The following LARGE1 variants were observed in gnomAD, a reference collection of about 807,000 sequenced individuals.
The protein encoded by LARGE1 is LARGE xylosyl- and glucuronyltransferase 1, also known as xylosyl- and glucuronyltransferase LARGE1.
A neutral mutation model predicts 87.6 loss-of-function variants in LARGE1; 43 were observed. The observed-to-expected ratio is 0.49, with a 90% CI of 0.38 to 0.63. The LOEUF (loss-of-function observed/expected upper bound fraction) is 0.63. LARGE1 is among the 30% of genes least tolerant of loss of function. The pLI is 0.00. For synonymous variants in LARGE1, 434 were observed against 394.6 expected (o/e 1.10, Z -1.18); for missense variants, 802 against 1,000.2 (o/e 0.80, Z 2.67).
At chr22:33,566,464 G>A (rs527299949) in intron 5 of LARGE1, among the ~76,000 whole-genome samples, 6 of 152,220 alleles carry the variant, frequency 3.9e-5, no homozygotes, top group African/African-American at 7.2e-5. Flanking sequence ...AACTGTGTGC[G>A]GAGCTGGCTC....
chr22:33,821,525 T>C (rs896817709), intron 1 of LARGE1, among the ~76,000 whole-genome samples: 6 of 152,162 alleles, frequency 3.9e-5, no homozygotes, highest in Non-Finnish European at 8.8e-5. Flanking sequence ...ATGGTAAGGA[T>C]GTCCAAGAAA....
chr22:33,287,119 G>C (rs185510025), intron 12 of LARGE1, among the ~76,000 whole-genome samples: 1 of 152,176 alleles, frequency 6.6e-6, no homozygotes, highest in Non-Finnish European at 1.5e-5. Context: ...AGCTGCCCTG[G>C]TTAATTGCTG....
intron 11 of LARGE1, among the ~76,000 whole-genome samples, chr22:33,214,614 C>T (rs765047490): frequency 5.9e-5 from 9 of 151,992 alleles, no homozygotes; most frequent in Non-Finnish European, 1.3e-4. Context: ...TGGCCAGTCG[C>T]CAGCACACTC....
intron 11 of LARGE1, among the ~76,000 whole-genome samples, chr22:33,225,636 G>A (rs1925696217): frequency 6.6e-6 from 1 of 151,986 alleles, no homozygotes; most frequent in African/African-American, 2.4e-5. Context: ...TTGTGTCATG[G>A]GGGTTTGGTG....
chr22:33,288,897 A>G (rs1569016954), intron 12 of LARGE1, among the ~76,000 whole-genome samples: 1 of 152,160 alleles, frequency 6.6e-6, no homozygotes, highest in Non-Finnish European at 1.5e-5. Context: ...TGTCTTGTCC[A>G]AGACACTTGC....
chr22:33,856,146 A>G (rs1379701135), intron 1 of LARGE1, among the ~76,000 whole-genome samples: 2 of 152,212 alleles, frequency 1.3e-5, no homozygotes, highest in Admixed American at 1.3e-4. Flanking sequence ...TCCAAGAACC[A>G]AACTTCCACT....
intron 9 of LARGE1, among the ~76,000 whole-genome samples, chr22:33,339,714 A>G (rs1218868079): frequency 2.0e-5 from 3 of 152,242 alleles, no homozygotes; most frequent in African/African-American, 7.2e-5. Flanking sequence ...TGTTTATGAC[A>G]TGGTCATAAC....
chr22:33,582,477 A>G (rs2078549647), intron 5 of LARGE1, among the ~76,000 whole-genome samples: 2 of 152,210 alleles, frequency 1.3e-5, no homozygotes, highest in Admixed American at 6.5e-5. Context: ...TAACCACTAC[A>G]TATAAGAGAA....
chr22:33,622,292 G>A (rs1233361826), intron 4 of LARGE1, among the ~76,000 whole-genome samples: 3 of 152,142 alleles, frequency 2.0e-5, no homozygotes, highest in Non-Finnish European at 4.4e-5. Context: ...CAGATCTGAT[G>A]GCTTTCTAGG....
intron 1 of LARGE1, among the ~76,000 whole-genome samples, chr22:33,764,600 A>T (rs1320610154): frequency 6.6e-6 from 1 of 152,080 alleles, no homozygotes; most frequent in African/African-American, 2.4e-5. Context: ...TCTACTAAAA[A>T]TACAAGAATT....
chr22:33,773,938 CTGTT>C (rs1485865393), intron 1 of LARGE1, among the ~76,000 whole-genome samples: 18 of 152,170 alleles, frequency 1.2e-4, no homozygotes, highest in African/African-American at 3.9e-4. Context: ...ACAGACACTA[CTGTT>C]TGTTTGCTTT....
At chr22:33,862,774 A>G (rs973766182) in intron 1 of LARGE1, among the ~76,000 whole-genome samples, 12 of 152,178 alleles carry the variant, frequency 7.9e-5, no homozygotes, top group Admixed American at 7.2e-4. Flanking sequence ...GTTTTCATTG[A>G]CCTAACAAAT....
At chr22:33,622,865 C>T (rs997747764) in intron 4 of LARGE1, among the ~76,000 whole-genome samples, 3 of 152,190 alleles carry the variant, frequency 2.0e-5, no homozygotes, top group African/African-American at 7.2e-5. Context: ...CTTAAAAGTA[C>T]GACATGCCAT....
In LARGE1 at chr22:33,451,631, T is replaced by C. The variant is rs575794663; in HGVS notation, c.788-19366A>G. On this transcript the variant is annotated intron_variant, in intron 6 of 14. Transcript: ENST00000397394. ...TGGAGTGCAGTGGCATGATCTCGGC[T>C]CACTGCAACCTCTGCCTCCCAGGTT... Among the ~76,000 whole-genome samples the C allele has an allele frequency of 2.6e-5, 4 of 151,600 alleles. No individual in the cohort carries two copies. In the East Asian group the frequency reaches 7.8e-4, roughly 29 times the overall value.
At chr22:33,148,618 T>C in the LARGE1 span, among the ~76,000 whole-genome samples, 1 of 152,204 alleles carries the variant, frequency 6.6e-6, no homozygotes, top group African/African-American at 2.4e-5. Context: ...ATATAAAATG[T>C]ATATATACAG....
At chr22:33,599,448 T>C (rs1243910794) in intron 5 of LARGE1, among the ~76,000 whole-genome samples, 1 of 152,122 alleles carries the variant, frequency 6.6e-6, no homozygotes, top group Non-Finnish European at 1.5e-5. Context: ...TGGTAGCCTG[T>C]TGGTACCAGG....
intron 6 of LARGE1, among the ~76,000 whole-genome samples, chr22:33,516,494 G>T (rs951111429): frequency 2.0e-5 from 3 of 152,038 alleles, no homozygotes; most frequent in Non-Finnish European, 4.4e-5. Flanking sequence ...TTTTGCACCA[G>T]GCCTCACAAA....
At chr22:33,376,417 A>C (rs1230056355) in intron 9 of LARGE1, among the ~76,000 whole-genome samples, 1 of 152,206 alleles carries the variant, frequency 6.6e-6, no homozygotes, top group African/African-American at 2.4e-5. Flanking sequence ...ATAAGATGAA[A>C]CTAGATGAAT....
intron 11 of LARGE1, among the ~76,000 whole-genome samples, chr22:33,242,881 C>A (rs932061768): frequency 7.2e-5 from 11 of 152,198 alleles, no homozygotes; most frequent in Admixed American, 6.5e-5. Flanking sequence ...TGGTGGTTTG[C>A]TGGCAATCTT....
Sources: allele counts gnomAD v4.1 joint callset (sites outside exome capture counted in the v4.1 genomes callset), GRCh38; gene constraint gnomAD v4.1.1; transcripts MANE v1.5; gene names NCBI Gene and HGNC (gene_info 2026-07-23, HGNC 2026-07-21).